The following IZUMO2 variants were observed in gnomAD, a reference collection of about 807,000 sequenced individuals.
The protein encoded by IZUMO2 is IZUMO family member 2.
Under a neutral mutation model 31.2 loss-of-function variants are expected in IZUMO2, and 24 were observed. The ratio of observed to expected loss-of-function variants is 0.77; its 90% CI spans 0.56 to 1.08. The LOEUF (loss-of-function observed/expected upper bound fraction) is 1.08. Ranked by LOEUF, IZUMO2 falls within the 50% of genes least tolerant of loss-of-function variation. The probability of loss-of-function intolerance (pLI) is 0.00; values close to 1 mark genes in which losing one functional copy is unlikely to be tolerated. For synonymous variants in IZUMO2, 144 were observed against 117.3 expected (o/e 1.23, Z -1.47); for missense variants, 278 against 274.0 (o/e 1.01, Z -0.10).
intron 2 of IZUMO2, 24 bp downstream of exon 2, chr19:50,162,715 A>G (rs377475220): frequency 4.5e-4 from 715 of 1,593,542 alleles, no homozygotes; most frequent in Non-Finnish European, 5.5e-4. Context: ...GGTGCTGGAG[A>G]AGGCGTTCCC....
At chr19:50,153,980 A>G (rs2030116571) in intron 6 of IZUMO2, among the ~76,000 whole-genome samples, 2 of 94,624 alleles carry the variant, frequency 2.1e-5, no homozygotes, top group Admixed American at 1.6e-4. Context: ...TGAGACGGAG[A>G]GGGGAAGAGA....
At chr19:50,162,140 G>A (rs902619589) in intron 2 of IZUMO2, among the ~76,000 whole-genome samples, 38 of 151,914 alleles carry the variant, frequency 2.5e-4, no homozygotes, top group African/African-American at 8.5e-4. Flanking sequence ...AAAATTAGCC[G>A]GGCATGGTGG....
intron 5 of IZUMO2, 34 bp from the exon 6 acceptor site, chr19:50,154,760 C>A: frequency 6.2e-7 from 1 of 1,609,478 alleles, no homozygotes; most frequent in African/African-American, 1.3e-5. Context: ...CCGACCTCCA[C>A]GTCACCACCC....
intron 5 of IZUMO2, among the ~76,000 whole-genome samples, chr19:50,156,251 A>G (rs1365778913): frequency 6.6e-6 from 1 of 152,148 alleles, no homozygotes; most frequent in African/African-American, 2.4e-5. Flanking sequence ...GATTGTCATA[A>G]TGGGGAGGGA....
chr19:50,159,458 A>G lies in IZUMO2; in HGVS notation c.394+36T>C, dbSNP rs751541636. 3.0e-5 allele frequency: 44 copies of G among 1,462,706 alleles called. No individual in the cohort carries two copies. The African/African-American group carries it at 3.3e-4, about 11-fold the overall frequency. The allele number at this position is 1,462,706 out of a possible 1,614,324, so 90.6% of individuals were successfully genotyped here. On this transcript the variant is annotated intron_variant, in intron 3 of 6. Transcript: ENST00000293405. ...AAAGGGGATCAAGAGGTCAAGGGAG[A>G]AGAGGAGAGGGGATTGGTGGAGAGA...
At chr19:50,154,820 G>C in intron 5 of IZUMO2, 94 bp from the exon 6 acceptor site, 1 of 1,381,156 alleles carries the variant, frequency 7.2e-7, no homozygotes, top group Non-Finnish European at 9.9e-7. Context: ...GCCTGGGGCA[G>C]GGGTGGGGGT....
At chr19:50,156,428 G>A (rs2030213802) in intron 5 of IZUMO2, among the ~76,000 whole-genome samples, 1 of 152,144 alleles carries the variant, frequency 6.6e-6, no homozygotes, top group African/African-American at 2.4e-5. Context: ...GGCTCCATGA[G>A]GGCAGGAACT....
chr19:50,160,859 T>C (rs1477455936), intron 2 of IZUMO2: 1 of 152,206 alleles, frequency 6.6e-6, no homozygotes, highest in Non-Finnish European at 1.5e-5. Context: ...TGCTGTTCTA[T>C]ACACAGATGC....
rs759303090 is a variant in IZUMO2 at position 50,163,040 on chromosome 19, C to T, written c.155G>A (p.Arg52His). The T allele has an allele frequency of 5.0e-5, 80 of 1,612,714 alleles. No homozygotes were observed. The highest frequency in any genetic ancestry group is 6.6e-5 in the Non-Finnish European group (78 of 1,179,164). Residue 52 changes from arginine (R) to histidine (H), a missense_variant, in exon 1 of 7, where the codon CGC (arginine) becomes CAC (histidine). Coordinates refer to ENST00000293405, the MANE Select transcript of IZUMO2 (RefSeq NM_152358.3). ...SRFQLEQLQA[R>H]AGAVLMGMEG... is the part of the protein sequence containing the mutation. ...CATGCCCATCAGCACGGCCCCGGCG[C>T]GCGCCTGCAGCTGCTCCAACTGGAA...
intron 6 of IZUMO2, among the ~76,000 whole-genome samples, chr19:50,152,884 A>C (rs2030076343): frequency 6.6e-6 from 1 of 152,144 alleles, no homozygotes; most frequent in Non-Finnish European, 1.5e-5. Context: ...GTGGGAACAG[A>C]AAGAGTCCAA....
At chr19:50,162,289 A>AAAAT (rs745573449) in intron 2 of IZUMO2, among the ~76,000 whole-genome samples, 10 of 151,838 alleles carry the variant, frequency 6.6e-5, no homozygotes, top group African/African-American at 1.2e-4. Flanking sequence ...TCAAAAAATA[A>AAAAT]AAATAAATAA....
chr19:50,156,676 G>A (rs1024403241), intron 5 of IZUMO2, among the ~76,000 whole-genome samples: 2 of 151,800 alleles, frequency 1.3e-5, no homozygotes, highest in Non-Finnish European at 2.9e-5. Context: ...TGTAATCCCA[G>A]CACTTTGGGA....
intron 5 of IZUMO2, among the ~76,000 whole-genome samples, chr19:50,156,487 G>A (rs1258990778): frequency 1.3e-5 from 2 of 152,058 alleles, no homozygotes; most frequent in African/African-American, 2.4e-5. Context: ...ATCGTAGGGT[G>A]CTCAAAATAT....
Position 50,158,249 on chromosome 19 carries a change from C to T in IZUMO2, c.496+19G>A. 1 of 1,565,042 alleles carries T rather than the reference C, an allele frequency of 6.4e-7. No individual in the cohort carries two copies. The highest frequency in any genetic ancestry group is 1.1e-5 in the South Asian group (1 of 88,798). ...CTTGCACGCCTGTCCCATGTCTTCC[C>T]CCACCCCCAGAAGCTTACCAAAGCA... On this transcript the variant is annotated intron_variant, in intron 5 of 6. Coordinates refer to ENST00000293405, the MANE Select transcript of IZUMO2 (RefSeq NM_152358.3).
At chr19:50,161,126 CTTT>C (rs398040395) in intron 2 of IZUMO2, among the ~76,000 whole-genome samples, 7 of 139,674 alleles carry the variant, frequency 5.0e-5, no homozygotes, top group South Asian at 4.6e-4. Flanking sequence ...TTTCCTTTTT[CTTT>C]TTTTTTTTTT....
intron 1 of IZUMO2, 32 bp from the exon 2 acceptor site, chr19:50,162,845 A>T (rs1210481100): frequency 6.2e-7 from 1 of 1,606,990 alleles, no homozygotes; most frequent in Admixed American, 1.7e-5. Flanking sequence ...CACTCCAGTG[A>T]GCCCCCCAGA....
intron 6 of IZUMO2, among the ~76,000 whole-genome samples, chr19:50,153,237 T>C (rs374078929): frequency 1.3e-5 from 2 of 152,130 alleles, no homozygotes; most frequent in South Asian, 4.1e-4. Context: ...CACCAGCAGC[T>C]AGGACACAGG....
intron 2 of IZUMO2, among the ~76,000 whole-genome samples, chr19:50,162,453 A>T (rs545747121): frequency 1.3e-5 from 2 of 151,998 alleles, no homozygotes; most frequent in South Asian, 4.2e-4. Flanking sequence ...ACAAAAAATT[A>T]AAAAGTAGAA....
intron 4 of IZUMO2, among the ~76,000 whole-genome samples, chr19:50,158,724 T>C (rs1023716221): frequency 1.3e-5 from 2 of 152,216 alleles, no homozygotes; most frequent in Non-Finnish European, 2.9e-5. Flanking sequence ...AGGGCTACAT[T>C]TCCCAGGGTG....
Sources: gnomAD v4.1 joint callset for allele counts (sites outside exome capture counted in the v4.1 genomes callset) on GRCh38, gnomAD v4.1.1 for gene constraint, MANE v1.5 for transcripts, NCBI Gene and HGNC (gene_info 2026-07-23, HGNC 2026-07-21) for gene names.